COLEC12: variants seen among roughly 807,000 people sequenced by gnomAD.
The protein encoded by COLEC12 is collectin subfamily member 12, also known as collectin-12.
In COLEC12, 33 loss-of-function variants were observed where a neutral mutation model predicts 71.1. The ratio of observed to expected loss-of-function variants is 0.46; its 90% CI spans 0.35 to 0.62. COLEC12 has a LOEUF of 0.62. COLEC12 is among the 20% of genes least tolerant of loss of function. The pLI, the probability that COLEC12 is intolerant of heterozygous loss-of-function variation, is 0.00. For missense variants in COLEC12, 765 were observed against 916.1 expected (o/e 0.84, Z 2.13); for synonymous variants, 350 against 353.0 (o/e 0.99, Z 0.10).
intron 1 of COLEC12, among the ~76,000 whole-genome samples, chr18:489,663 G>A (rs1917584513): frequency 6.6e-6 from 1 of 152,064 alleles, no homozygotes; most frequent in African/African-American, 2.4e-5. Flanking sequence ...TCGTGGGGGG[G>A]AAACAAAAAG....
intron 1 of COLEC12, among the ~76,000 whole-genome samples, chr18:495,504 T>TAA (rs1295094101): frequency 1.3e-5 from 2 of 152,238 alleles, no homozygotes; most frequent in Non-Finnish European, 1.5e-5. Flanking sequence ...CAATCAGCGG[T>TAA]AAGCAAAACC....
intron 1 of COLEC12, among the ~76,000 whole-genome samples, chr18:491,720 C>A (rs1917622685): frequency 6.6e-6 from 1 of 152,150 alleles, no homozygotes; most frequent in Non-Finnish European, 1.5e-5. Flanking sequence ...ATGCGTGCTG[C>A]AGGTTCTATT....
At chr18:396,356 T>A (rs1280515844) in intron 2 of COLEC12, among the ~76,000 whole-genome samples, 1 of 152,186 alleles carries the variant, frequency 6.6e-6, no homozygotes, top group Non-Finnish European at 1.5e-5. Context: ...TTGCAAACAT[T>A]TTCACATCAG....
At chr18:411,985 C>G (rs1358865699) in intron 2 of COLEC12, among the ~76,000 whole-genome samples, 1 of 152,082 alleles carries the variant, frequency 6.6e-6, no homozygotes, top group East Asian at 1.9e-4. Context: ...AACAAAAAAT[C>G]TAACATTTAT....
chr18:420,134 T>C (rs1220630464), intron 2 of COLEC12, among the ~76,000 whole-genome samples: 3 of 152,130 alleles, frequency 2.0e-5, no homozygotes, highest in African/African-American at 7.2e-5. Context: ...TGCTGTACAG[T>C]CTGAATTCCT....
intron 2 of COLEC12, among the ~76,000 whole-genome samples, chr18:473,509 G>A (rs546884007): frequency 8.5e-5 from 13 of 152,260 alleles, no homozygotes; most frequent in Admixed American, 4.6e-4. Flanking sequence ...GATTACAGGC[G>A]CGTGCCACAG....
intron 2 of COLEC12, among the ~76,000 whole-genome samples, chr18:456,006 A>C (rs1916865286): frequency 6.6e-6 from 1 of 152,202 alleles, no homozygotes; most frequent in Non-Finnish European, 1.5e-5. Flanking sequence ...TATCAAGCAC[A>C]ACCCAGGCAG....
chr18:416,881 G>T, intron 2 of COLEC12, among the ~76,000 whole-genome samples: 1 of 141,468 alleles, frequency 7.1e-6, no homozygotes, highest in African/African-American at 2.6e-5. Context: ...GGTGGGGGCG[G>T]AGGGTTGGTA....
In COLEC12 at chr18:347,298, G is replaced by C. The variant is rs567240593; in HGVS notation, c.324C>G (p.Leu108=). ...GKKAISTNSE[L]STFRSDILDL... Reference sequence around the variant, plus strand: ...CTAGAATGTCTGATCTGAAGGTGGAGAGTTCTGAGTTGGTGCTGATAGCTT... The same window carrying C: ...CTAGAATGTCTGATCTGAAGGTGGACAGTTCTGAGTTGGTGCTGATAGCTT... The change falls in exon 5 of 10, where the codon CTC becomes CTG. Residue 108 remains leucine, a synonymous_variant. Transcript: ENST00000400256. 3.0e-5 allele frequency: 48 copies of C among 1,614,062 alleles called. No individual in the cohort carries two copies. In the East Asian group the frequency reaches 9.8e-4, roughly 33 times the overall value.
chr18:356,051 A>G (rs1383137312), intron 3 of COLEC12, among the ~76,000 whole-genome samples: 1 of 152,202 alleles, frequency 6.6e-6, no homozygotes, highest in Non-Finnish European at 1.5e-5. Context: ...TTCCACGTAT[A>G]TGGCCTTAGA....
intron 2 of COLEC12, among the ~76,000 whole-genome samples, chr18:364,983 A>C (rs751349002): frequency 3.9e-5 from 6 of 152,196 alleles, no homozygotes; most frequent in Admixed American, 6.5e-5. Flanking sequence ...AAGCTTATTC[A>C]TCTCCAGAAG....
In COLEC12 at chr18:319,925, C is replaced by A; in HGVS notation, c.*120G>T. On this transcript the variant is annotated 3_prime_UTR_variant, in exon 10 of 10. Coordinates refer to ENST00000400256, the MANE Select transcript of COLEC12 (RefSeq NM_130386.3). ...AAAACACTAGCTGTCAATTTTTTTT[C>A]AGTAATTGGTTTTCAGTGCTTTTTT... 4.2e-6 allele frequency: 3 copies of A among 714,708 alleles called. No individual in the cohort carries two copies. Among genetic ancestry groups the A allele is most frequent in the Non-Finnish European group, 7.3e-6 (3 of 408,618 alleles). 44.3% of individuals were successfully genotyped at this position (714,708 alleles called of 1,614,324 possible). A position where few individuals can be genotyped will look rare whatever the true frequency, so the allele number is the denominator to read the frequency against.
intron 2 of COLEC12, among the ~76,000 whole-genome samples, chr18:444,642 G>A (rs1916610560): frequency 6.6e-6 from 1 of 152,136 alleles, no homozygotes; most frequent in Admixed American, 6.5e-5. Context: ...GTGGGGGTGA[G>A]GTAGGGAGGG....
At chr18:476,771 A>G (rs1235245467) in intron 2 of COLEC12, among the ~76,000 whole-genome samples, 1 of 152,234 alleles carries the variant, frequency 6.6e-6, no homozygotes, top group Non-Finnish European at 1.5e-5. Context: ...GTGGTAGTAC[A>G]TATCATATCT....
At chr18:344,341 C>G (rs1330532490) in intron 5 of COLEC12, among the ~76,000 whole-genome samples, 1 of 152,268 alleles carries the variant, frequency 6.6e-6, no homozygotes, top group East Asian at 1.9e-4. Context: ...TTGTTTCACC[C>G]AGTGGCATTC....
In COLEC12 at chr18:499,328, A is replaced by G. The variant is rs111354973; in HGVS notation, c.7+1180T>C. On this transcript the variant is annotated intron_variant, in intron 1 of 9. Transcript: ENST00000400256. The stretch of plus-strand genomic sequence containing the variant: ...TCACCTCCCTTCCCGAGGTCTCCCG[A>G]CGTGGACACCTAACGCCCTTGGAAA... Among the ~76,000 whole-genome samples, 1,370 of 152,242 alleles carry G rather than the reference A, an allele frequency of 9.0e-3. 31 individuals carry two copies. The highest frequency in any genetic ancestry group is 0.032 in the African/African-American group (1,310 of 41,540).
chr18:431,510 G>A (rs922232041), intron 2 of COLEC12, among the ~76,000 whole-genome samples: 2 of 152,172 alleles, frequency 1.3e-5, no homozygotes, highest in East Asian at 1.9e-4. Context: ...TATAGACTGC[G>A]GAGGTGGAAG....
intron 2 of COLEC12, among the ~76,000 whole-genome samples, chr18:461,479 T>TG (rs1916982110): frequency 6.6e-6 from 1 of 152,196 alleles, no homozygotes; most frequent in African/African-American, 2.4e-5. Context: ...CTCAAACTCC[T>TG]GGGCTCAAGC....
chr18:426,924 A>T (rs2143664976), intron 2 of COLEC12, among the ~76,000 whole-genome samples: 1 of 151,500 alleles, frequency 6.6e-6, no homozygotes, highest in Non-Finnish European at 1.5e-5. Context: ...ATCACTATTT[A>T]TTTTCCCTAA....
Sources: allele counts gnomAD v4.1 joint callset (sites outside exome capture counted in the v4.1 genomes callset), GRCh38; gene constraint gnomAD v4.1.1; transcripts MANE v1.5; gene names NCBI Gene and HGNC (gene_info 2026-07-23, HGNC 2026-07-21).